GPC5: variants seen among roughly 807,000 people sequenced by gnomAD.
GPC5 encodes the protein glypican 5, also known as glypican-5.
A neutral mutation model predicts 53.9 loss-of-function variants in GPC5; 47 were observed. That is an observed-to-expected ratio of 0.87 (90% CI 0.69 to 1.11). GPC5 has a LOEUF of 1.11. Ranked by LOEUF, GPC5 falls within the 50% of genes most tolerant of loss-of-function variation. GPC5 has a pLI of 0.00. For synonymous variants in GPC5, 286 were observed against 263.3 expected, an observed-to-expected ratio of 1.09 and a Z score of -0.84; for missense variants, 748 against 713.1, an observed-to-expected ratio of 1.05 and a Z score of -0.56.
At chr13:91,491,012 C>A (rs937371578) in intron 2 of GPC5, among the ~76,000 whole-genome samples, 1 of 152,104 alleles carries the variant, frequency 6.6e-6, no homozygotes, top group Non-Finnish European at 1.5e-5. Context: ...CTGCTTCAAC[C>A]TCTACCTTAA....
chr13:92,017,996 A>G (rs2040722767), intron 6 of GPC5, among the ~76,000 whole-genome samples: 1 of 150,676 alleles, frequency 6.6e-6, no homozygotes, highest in Non-Finnish European at 1.5e-5. Flanking sequence ...ACACACACAC[A>G]CGAGTACACA....
At chr13:92,016,642 T>C (rs1547656) in intron 6 of GPC5, among the ~76,000 whole-genome samples, 69,585 of 151,990 alleles carry the variant, frequency 0.46, 16,508 homozygotes, top group East Asian at 0.75. Context: ...TCTTTGAATG[T>C]GGTTTCATAT....
intron 7 of GPC5, among the ~76,000 whole-genome samples, chr13:92,527,764 TA>T (rs1430148728): frequency 6.6e-6 from 1 of 152,136 alleles, no homozygotes; most frequent in African/African-American, 2.4e-5. Flanking sequence ...TTCATGAGCT[TA>T]AATACTAAAT....
chr13:92,376,305 A>C (rs1458431954), intron 7 of GPC5, among the ~76,000 whole-genome samples: 2 of 152,206 alleles, frequency 1.3e-5, no homozygotes, highest in Non-Finnish European at 2.9e-5. Context: ...GCTGTTTTGC[A>C]TAACGATCTG....
chr13:91,949,438 A>G (rs2040006038), intron 6 of GPC5, among the ~76,000 whole-genome samples: 1 of 152,192 alleles, frequency 6.6e-6, no homozygotes, highest in Non-Finnish European at 1.5e-5. Context: ...CTAAACTATA[A>G]AATCTACTTC....
intron 7 of GPC5, among the ~76,000 whole-genome samples, chr13:92,404,291 C>G (rs199755346): frequency 2.6e-5 from 4 of 152,190 alleles, no homozygotes; most frequent in South Asian, 4.1e-4. Flanking sequence ...AAATGTGTTG[C>G]TGAGAGCATG....
At chr13:91,403,142 G>C (rs1376711721) in intron 1 of GPC5, among the ~76,000 whole-genome samples, 1 of 152,212 alleles carries the variant, frequency 6.6e-6, no homozygotes, top group Non-Finnish European at 1.5e-5. Context: ...ACGTGTTTGT[G>C]GGGATCAAAT....
intron 7 of GPC5, among the ~76,000 whole-genome samples, chr13:92,654,835 CAG>C (rs1886074453): frequency 2.6e-5 from 4 of 151,080 alleles, no homozygotes; most frequent in Admixed American, 2.6e-4. Context: ...TATTTGAAAA[CAG>C]AGCATTTTCA....
intron 7 of GPC5, among the ~76,000 whole-genome samples, chr13:92,861,051 AGT>A (rs1407359047): frequency 1.3e-5 from 2 of 152,080 alleles, no homozygotes; most frequent in Non-Finnish European, 2.9e-5. Context: ...AGAGCATGAA[AGT>A]ATATATATAC....
At chr13:91,576,317 A>ATGTG (rs66501826) in intron 2 of GPC5, among the ~76,000 whole-genome samples, 2 of 105,192 alleles carry the variant, frequency 1.9e-5, no homozygotes, top group Non-Finnish European at 4.8e-5. Flanking sequence ...CCAATACACA[A>ATGTG]TGTGTATATA....
chr13:92,571,587 C>T (rs1483474947), intron 7 of GPC5, among the ~76,000 whole-genome samples: 1 of 152,090 alleles, frequency 6.6e-6, no homozygotes, highest in African/African-American at 2.4e-5. Context: ...TCAAGGATTA[C>T]TTTTAATATT....
At chr13:91,711,480 G>A (rs369329134) in intron 3 of GPC5, among the ~76,000 whole-genome samples, 105 of 152,196 alleles carry the variant, frequency 6.9e-4, no homozygotes, top group African/African-American at 2.4e-3. Context: ...GGGAGGGATA[G>A]CATTAGGAGA....
intron 7 of GPC5, among the ~76,000 whole-genome samples, chr13:92,544,509 T>A (rs1053859354): frequency 6.6e-6 from 1 of 152,066 alleles, no homozygotes; most frequent in Non-Finnish European, 1.5e-5. Context: ...TTATTGATGG[T>A]TTTTATCTTC....
chr13:92,633,815 G>A (rs1885332862), intron 7 of GPC5, among the ~76,000 whole-genome samples: 1 of 151,972 alleles, frequency 6.6e-6, no homozygotes, highest in Non-Finnish European at 1.5e-5. Flanking sequence ...TTGTTAATGA[G>A]AATGCATTGT....
intron 7 of GPC5, among the ~76,000 whole-genome samples, chr13:92,652,404 C>T (rs762636630): frequency 2.0e-4 from 30 of 152,188 alleles, no homozygotes; most frequent in Non-Finnish European, 3.8e-4. Context: ...TTTAGTTACC[C>T]TGTATTTTTT....
At chr13:92,848,548 G>C (rs1480466160) in intron 7 of GPC5, among the ~76,000 whole-genome samples, 1 of 151,906 alleles carries the variant, frequency 6.6e-6, no homozygotes, top group Non-Finnish European at 1.5e-5. Context: ...AACTTTAAGG[G>C]GCTTAAAATC....
intron 7 of GPC5, among the ~76,000 whole-genome samples, chr13:92,529,954 C>T (rs1200021286): frequency 2.6e-5 from 4 of 152,138 alleles, no homozygotes; most frequent in East Asian, 1.9e-4. Context: ...CGTGGTAGTG[C>T]GCCCCTGTAG....
At chr13:92,781,201 T>C (rs1052783626) in intron 7 of GPC5, among the ~76,000 whole-genome samples, 3 of 152,126 alleles carry the variant, frequency 2.0e-5, no homozygotes, top group Admixed American at 2.0e-4. Context: ...GAAATTTAAA[T>C]ATTAGATGCT....
chr13:92,525,353 A>G (rs574318686), intron 7 of GPC5, among the ~76,000 whole-genome samples: 1 of 152,062 alleles, frequency 6.6e-6, no homozygotes, highest in South Asian at 2.1e-4. Context: ...TGAAGTGAGC[A>G]TATGAACTGC....
Sources: gnomAD v4.1 joint callset for allele counts (sites outside exome capture counted in the v4.1 genomes callset) on GRCh38, gnomAD v4.1.1 for gene constraint, MANE v1.5 for transcripts, NCBI Gene and HGNC (gene_info 2026-07-23, HGNC 2026-07-21) for gene names.